ENPP6: variants seen among roughly 807,000 people sequenced by gnomAD.
ENPP6 encodes glycerophosphocholine cholinephosphodiesterase ENPP6.
A neutral mutation model predicts 42.0 loss-of-function variants in ENPP6; 32 were observed. The ratio of observed to expected loss-of-function variants is 0.76; its 90% CI spans 0.58 to 1.02. The LOEUF is 1.02. Among genes scored for constraint, ENPP6 ranks in the 50% least tolerant of loss-of-function variants. The probability of loss-of-function intolerance (pLI) is 0.00; values close to 1 mark genes in which losing one functional copy is unlikely to be tolerated. For missense variants in ENPP6, 552 were observed against 566.8 expected, an observed-to-expected ratio of 0.97 and a Z score of 0.27; for synonymous variants, 213 against 216.0, an observed-to-expected ratio of 0.99 and a Z score of 0.12.
chr4:184,198,295 T>G (rs4862333), intron 1 of ENPP6, among the ~76,000 whole-genome samples: 125,863 of 151,934 alleles, frequency 0.83, 52,437 homozygotes, highest in East Asian at 0.98. Context: ...TAAGCACTGG[T>G]CCCCAACGTG....
rs111694094 is a variant in ENPP6, at chr4:184,143,092, T to C, written c.421+10462A>G. 6.2e-3 allele frequency among the ~76,000 whole-genome samples: 948 copies of C among 152,350 alleles called. 10 individuals are homozygous for C. The highest frequency in any genetic ancestry group is 0.038 in the South Asian group (185 of 4,830). On this transcript the variant is annotated intron_variant, in intron 2 of 7. Transcript: ENST00000296741. ...GACTTTCTGCACCACACGGTTTTCC[T>C]GACCAAAGCCTCCTTCTCCTTCTCC...
At chr4:184,168,713 A>AC (rs1169447466) in intron 1 of ENPP6, among the ~76,000 whole-genome samples, 1 of 151,634 alleles carries the variant, frequency 6.6e-6, no homozygotes, top group African/African-American at 2.4e-5. Context: ...TTTGAAGGCC[A>AC]CCCCCAGGAT....
intron 6 of ENPP6, among the ~76,000 whole-genome samples, chr4:184,109,382 A>G (rs1736161849): frequency 1.3e-5 from 2 of 152,118 alleles, no homozygotes; most frequent in South Asian, 4.1e-4. Flanking sequence ...TTAAACAGAC[A>G]TTTTTCTTGA....
At chr4:184,132,922 C>A (rs572280916) in intron 2 of ENPP6, among the ~76,000 whole-genome samples, 3 of 150,850 alleles carry the variant, frequency 2.0e-5, no homozygotes, top group Middle Eastern at 3.3e-3. Flanking sequence ...GGGAGTGTCA[C>A]GGTCATAAAT....
chr4:184,105,873 TG>T (rs2111336070), intron 6 of ENPP6, among the ~76,000 whole-genome samples: 1 of 152,314 alleles, frequency 6.6e-6, no homozygotes, highest in African/African-American at 2.4e-5. Flanking sequence ...GTCTGTTTAG[TG>T]GGTCAGTGTA....
In ENPP6 at chr4:184,184,719, A is replaced by G. The variant is rs575644757; in HGVS notation, c.242-30986T>C. Among the ~76,000 whole-genome samples the G allele has an allele frequency of 1.6e-4, 24 of 152,274 alleles. No homozygotes were observed. Among genetic ancestry groups the G allele is most frequent in the African/African-American group, 5.5e-4 (23 of 41,540 alleles). On this transcript the variant is annotated intron_variant, in intron 1 of 7. Coordinates refer to ENST00000296741, the MANE Select transcript of ENPP6 (RefSeq NM_153343.4). This position sits in a 1 kb window ranked among gnomAD's most constrained non-coding sequence, Gnocchi z 4.7. ...CACATGTCAATAGAGGCAGAGGTGG[A>G]AGTGATGGGTCCACAGGCCCAAAAA...
chr4:184,180,108 A>G (rs1732529042), intron 1 of ENPP6, among the ~76,000 whole-genome samples: 1 of 151,874 alleles, frequency 6.6e-6, no homozygotes, highest in Non-Finnish European at 1.5e-5. Context: ...AAATTAATAA[A>G]ATAGACCACT....
rs1426151263 is a variant in ENPP6 at position 184,131,136 on chromosome 4, A to ACTTTCTTTCTTTCTTT, written c.422-6865_422-6864insAAAGAAAGAAAGAAAG. Among the ~76,000 whole-genome samples, 852 of 125,210 alleles carry ACTTTCTTTCTTTCTTT rather than the reference A, an allele frequency of 6.8e-3. 29 individuals carry two copies. Among genetic ancestry groups the ACTTTCTTTCTTTCTTT allele is most frequent in the Admixed American group, 0.028 (366 of 12,992 alleles). 82.1% of individuals were successfully genotyped at this position (125,210 alleles called of 152,430 possible). ...ATTGTTTCAACTTGCTTCCACCAGCACTTACTTTCTTTCTTTCTTTCTTTC... is the reference window on the plus strand; with the variant it reads ...ATTGTTTCAACTTGCTTCCACCAGCACTTTCTTTCTTTCTTTCTTACTTTCTTTCTTTCTTTCTTTC... On this transcript the variant is annotated intron_variant, in intron 2 of 7. Coordinates refer to ENST00000296741, the MANE Select transcript of ENPP6 (RefSeq NM_153343.4).
chr4:184,154,205 G>A (rs959302125), intron 1 of ENPP6, among the ~76,000 whole-genome samples: 5 of 152,208 alleles, frequency 3.3e-5, no homozygotes, highest in Admixed American at 3.3e-4. Context: ...GCTCTGAACA[G>A]TGATAAAACC....
At chr4:184,113,911 CTTT>C (rs1736260267) in intron 5 of ENPP6, among the ~76,000 whole-genome samples, 9 of 121,070 alleles carry the variant, frequency 7.4e-5, no homozygotes, top group African/African-American at 1.2e-4. Flanking sequence ...TTCTTTCTTT[CTTT>C]CTTTCTTTCT....
At chr4:184,120,384 C>CAT (rs1223897683) in intron 3 of ENPP6, among the ~76,000 whole-genome samples, 2 of 152,194 alleles carry the variant, frequency 1.3e-5, no homozygotes, top group East Asian at 3.9e-4. Flanking sequence ...GACAAAGGAC[C>CAT]ATATCTATAC....
At position 184,209,070 on chromosome 4, in the gene ENPP6, C is replaced by T. The variant is rs1176071275; in HGVS notation, c.241+8509G>A. Among the ~76,000 whole-genome samples the T allele has an allele frequency of 9.4e-5, 14 of 148,234 alleles. 2 individuals carry two copies. In the Admixed American group the frequency reaches 9.5e-4, roughly 10 times the overall value. The stretch of plus-strand genomic sequence containing the variant: ...CTAACAAACAGAAAGGACATCCACA[C>T]CAAAAACCCATCTGTACATCACCGT... On this transcript the variant is annotated intron_variant, in intron 1 of 7. Coordinates refer to ENST00000296741, the MANE Select transcript of ENPP6 (RefSeq NM_153343.4).
chr4:184,160,014 G>A (rs1477388898), intron 1 of ENPP6, among the ~76,000 whole-genome samples: 1 of 152,042 alleles, frequency 6.6e-6, no homozygotes, highest in African/African-American at 2.4e-5. Flanking sequence ...AGTATTCCAT[G>A]GTGTATATAT....
At position 184,089,958 on chromosome 4, in the gene ENPP6, G is replaced by C. The variant is rs1308070323; in HGVS notation, c.*1219C>G. On this transcript the variant is annotated 3_prime_UTR_variant, in exon 8 of 8. Transcript: ENST00000296741. ...CTCAGGCTCAGTGGCTCTTCTCAAA[G>C]GTATCAAAAGAACTTAGGTCTCAAA... The C allele has an allele frequency of 6.6e-6, 1 of 152,096 alleles. No homozygotes were observed. The highest frequency in any genetic ancestry group is 2.4e-5 in the African/African-American group (1 of 41,406). 9.4% of individuals were successfully genotyped at this position (152,096 alleles called of 1,614,324 possible). A position where few individuals can be genotyped will look rare whatever the true frequency, so the allele number is the denominator to read the frequency against.
intron 2 of ENPP6, among the ~76,000 whole-genome samples, chr4:184,130,447 A>G (rs1009363274): frequency 3.1e-5 from 3 of 96,548 alleles, no homozygotes; most frequent in African/African-American, 1.2e-4. Flanking sequence ...AGTCCCAGCT[A>G]CTCGGGAGGC....
chr4:184,182,167 A>G (rs1489176598), intron 1 of ENPP6, among the ~76,000 whole-genome samples: 6 of 151,938 alleles, frequency 3.9e-5, no homozygotes, highest in Non-Finnish European at 7.4e-5. Context: ...TCTACAAGAA[A>G]AAAAAAAACA....
chr4:184,187,215 G>C (rs1049923126), intron 1 of ENPP6, among the ~76,000 whole-genome samples: 1 of 152,170 alleles, frequency 6.6e-6, no homozygotes, highest in African/African-American at 2.4e-5. Flanking sequence ...TCCTCAAGCT[G>C]GGCCAAGGTC....
At position 184,108,463 on chromosome 4, in the gene ENPP6, A is replaced by G. The variant is rs561165717; in HGVS notation, c.993+4209T>C. Reference sequence around the variant, plus strand: ...CTTGGCACAACGCAGAAACGAGGATATAGAATGGGGTTTTTAATTCTCTGC... The same window carrying G: ...CTTGGCACAACGCAGAAACGAGGATGTAGAATGGGGTTTTTAATTCTCTGC... On this transcript the variant is annotated intron_variant, in intron 6 of 7. Transcript: ENST00000296741. Among the ~76,000 whole-genome samples, 7 of 152,374 alleles carry G rather than the reference A, an allele frequency of 4.6e-5. No individual in the cohort carries two copies. The South Asian group carries it at 1.0e-3, about 23-fold the overall frequency.
At chr4:184,143,725 G>T (rs775854849) in intron 2 of ENPP6, among the ~76,000 whole-genome samples, 2 of 152,244 alleles carry the variant, frequency 1.3e-5, no homozygotes, top group African/African-American at 2.4e-5. Context: ...CTGCAGAGAG[G>T]GGGAGGGAAG....
Sources: gnomAD v4.1 joint callset for allele counts (sites outside exome capture counted in the v4.1 genomes callset) on GRCh38, gnomAD v4.1.1 for gene constraint, Gnocchi (gnomAD v3.1) non-coding constraint, MANE v1.5 for transcripts, NCBI Gene and HGNC (gene_info 2026-07-23, HGNC 2026-07-21) for gene names.